The following STXBP5 variants were observed in gnomAD, a reference collection of about 807,000 sequenced individuals.
STXBP5 encodes syntaxin-binding protein 5.
A neutral mutation model predicts 152.4 loss-of-function variants in STXBP5; 50 were observed. The ratio of observed to expected loss-of-function variants is 0.33; its 90% confidence interval spans 0.26 to 0.42. The LOEUF is 0.42. STXBP5 is among the 10% of genes least tolerant of loss of function. The pLI is 1.00. For missense variants in STXBP5, 1,167 were observed against 1,388.6 expected (o/e 0.84, Z 2.54); for synonymous variants, 492 against 494.7 (o/e 0.99, Z 0.07).
intron 8 of STXBP5, among the ~76,000 whole-genome samples, chr6:147,280,037 G>GTGCT: frequency 6.7e-6 from 1 of 150,056 alleles, no homozygotes; most frequent in Non-Finnish European, 1.5e-5. Context: ...TGTCAATGTG[G>GTGCT]TGCTGATTCA....
Position 147,372,406 on chromosome 6 carries a change from C to CTTTTTTTTTTTTTTTTTTTTTT in STXBP5, c.3082-1325_3082-1324insTTTTTTTTTTTTTTTTTTTTTT, listed in dbSNP as rs1583009383. Among the ~76,000 whole-genome samples the CTTTTTTTTTTTTTTTTTTTTTT allele has an allele frequency of 3.0e-3, 117 of 39,108 alleles. 55 individuals are homozygous for CTTTTTTTTTTTTTTTTTTTTTT. Among genetic ancestry groups the CTTTTTTTTTTTTTTTTTTTTTT allele is most frequent in the South Asian group, 5.1e-3 (4 of 786 alleles). 25.7% of individuals were successfully genotyped at this position (39,108 alleles called of 152,430 possible). On this transcript the variant is annotated intron_variant, in intron 25 of 27. Coordinates refer to ENST00000321680, the MANE Select transcript of STXBP5 (RefSeq NM_001127715.4). The stretch of plus-strand genomic sequence containing the variant: ...ATATAAATGTTACTACCGTCCTTTT[C>CTTTTTTTTTTTTTTTTTTTTTT]CTTTTTTTTTTTTTTTTTTTTTTTT...
chr6:147,263,956 A>G (rs1582862084), intron 6 of STXBP5, among the ~76,000 whole-genome samples: 1 of 152,066 alleles, frequency 6.6e-6, no homozygotes, highest in South Asian at 2.1e-4. Context: ...GGTAATATTT[A>G]TACAGGTTTC....
At chr6:147,296,063 C>CA (rs1432503016) in intron 9 of STXBP5, among the ~76,000 whole-genome samples, 35 of 149,924 alleles carry the variant, frequency 2.3e-4, no homozygotes, top group South Asian at 2.1e-3. Flanking sequence ...TGCTACCCCC[C>CA]AAAAAAAAAC....
intron 1 of STXBP5, among the ~76,000 whole-genome samples, chr6:147,205,398 A>ATAT (rs1776495260): frequency 6.9e-6 from 1 of 145,610 alleles, no homozygotes; most frequent in African/African-American, 2.6e-5. Flanking sequence ...ATATATATAT[A>ATAT]GGTCTAATGC....
Position 147,370,105 on chromosome 6 carries a change from G to A in STXBP5, c.3082-3626G>A, listed in dbSNP as rs142883998. 2.0e-5 allele frequency among the ~76,000 whole-genome samples: 3 copies of A among 152,124 alleles called. No individual in the cohort carries two copies. In the East Asian group the frequency reaches 5.8e-4, roughly 29 times the overall value. ...GTAAACGATGCAATCAGCAACATCA[G>A]TGAATCTCAGAATAATTATGCTTAA... On this transcript the variant is annotated intron_variant, in intron 25 of 27. Transcript: ENST00000321680.
Position 147,334,192 on chromosome 6 carries a change from C to T in STXBP5, c.2116C>T (p.Pro706Ser), listed in dbSNP as rs1332639746. The change falls in exon 19 of 28, where the codon CCA (proline) becomes TCA (serine). Residue 706 changes from proline to serine, a missense_variant. This residue lies in a region of STXBP5 where 833 missense variants were observed against 986.3 expected (regional missense o/e 0.84). Transcript: ENST00000321680. The part of the protein sequence containing the change: ...LCDISEGTVV[P>S]EDRCKSPTSG... Reference sequence around the variant, plus strand: ...TGATATTAGTGAAGGGACTGTTGTTCCAGAGGATCGCTGCAAATCTCCAAC... The same window carrying T: ...TGATATTAGTGAAGGGACTGTTGTTTCAGAGGATCGCTGCAAATCTCCAAC... The T allele has an allele frequency of 5.0e-6, 8 of 1,611,518 alleles. 1 individual carries two copies. The Admixed American group carries it at 6.7e-5, about 13-fold the overall frequency.
chr6:147,377,848 G>T (rs10080610), intron 26 of STXBP5, among the ~76,000 whole-genome samples: 2,519 of 151,958 alleles, frequency 0.017, 60 homozygotes, highest in African/African-American at 0.057. Flanking sequence ...TTCTCTAAGA[G>T]TCTAATAAAA....
chr6:147,351,517 G>T (rs1272264352), intron 21 of STXBP5, among the ~76,000 whole-genome samples: 1 of 152,100 alleles, frequency 6.6e-6, no homozygotes, highest in Non-Finnish European at 1.5e-5. Context: ...TTGGAGGACT[G>T]TTTTAGAGAT....
At chr6:147,239,100 G>A in intron 3 of STXBP5, 70 bp from the exon 4 acceptor site, 1 of 1,333,516 alleles carries the variant, frequency 7.5e-7, no homozygotes, top group Non-Finnish European at 1.0e-6. Flanking sequence ...GATATTTCTG[G>A]CAGCTATTGA....
Position 147,204,483 on chromosome 6 carries a change from G to A in STXBP5, c.-50G>A, listed in dbSNP as rs1582776625. On this transcript the variant is annotated 5_prime_UTR_variant, in exon 1 of 28. Coordinates refer to ENST00000321680, the MANE Select transcript of STXBP5 (RefSeq NM_001127715.4). This position sits in a 1 kb window ranked among gnomAD's most constrained non-coding sequence, Gnocchi z 4.3. ...GCCCCGGGTGGTCTCCCCCGCCCGG[G>A]GACCCCCTGTGCCTCCCCTCCCGGG... 1 of 1,593,372 alleles carries A rather than the reference G, an allele frequency of 6.3e-7. No individual in the cohort carries two copies. The highest frequency in any genetic ancestry group is 1.7e-5 in the Admixed American group (1 of 57,408).
At chr6:147,299,229 T>A (rs1367054746) in intron 9 of STXBP5, among the ~76,000 whole-genome samples, 1 of 145,954 alleles carries the variant, frequency 6.9e-6, no homozygotes, top group Non-Finnish European at 1.5e-5. Flanking sequence ...AATAATTATA[T>A]GCCAACAAAT....
chr6:147,237,771 T>C (rs1357066667), intron 3 of STXBP5, among the ~76,000 whole-genome samples: 2 of 152,206 alleles, frequency 1.3e-5, no homozygotes, highest in South Asian at 4.1e-4. Context: ...GACAGCTGTT[T>C]TAATTCTTCT....
intron 7 of STXBP5, among the ~76,000 whole-genome samples, chr6:147,276,501 T>C (rs890295498): frequency 1.3e-5 from 2 of 152,132 alleles, no homozygotes; most frequent in Admixed American, 1.3e-4. Context: ...TCTCTACATA[T>C]GATACATATT....
intron 17 of STXBP5, 84 bp from the exon 18 acceptor site, chr6:147,327,041 T>G (rs995535011): frequency 1.6e-5 from 21 of 1,305,046 alleles, no homozygotes; most frequent in Admixed American, 4.8e-5. Flanking sequence ...CCACCATGCT[T>G]CTTTCTTCAG....
intron 9 of STXBP5, among the ~76,000 whole-genome samples, chr6:147,302,820 C>T (rs966760172): frequency 9.2e-5 from 14 of 152,030 alleles, no homozygotes; most frequent in East Asian, 1.9e-4. Flanking sequence ...TGCATACTGG[C>T]GTATAACATG....
chr6:147,242,788 C>T (rs981662284), intron 4 of STXBP5, among the ~76,000 whole-genome samples: 7 of 152,124 alleles, frequency 4.6e-5, no homozygotes, highest in African/African-American at 1.7e-4. Context: ...CAATGTTGAA[C>T]TCACCTGCTG....
At chr6:147,296,180 T>C (rs1781514280) in intron 9 of STXBP5, among the ~76,000 whole-genome samples, 1 of 151,888 alleles carries the variant, frequency 6.6e-6, no homozygotes, top group Non-Finnish European at 1.5e-5. Context: ...GGCAGATGAG[T>C]GCCTGAACCA....
chr6:147,298,314 G>T (rs1198847577), intron 9 of STXBP5, among the ~76,000 whole-genome samples: 1 of 151,978 alleles, frequency 6.6e-6, no homozygotes. Flanking sequence ...AAATATATAT[G>T]CATTGAACAC....
intron 8 of STXBP5, among the ~76,000 whole-genome samples, chr6:147,289,422 A>T (rs1335767532): frequency 6.6e-6 from 1 of 152,178 alleles, no homozygotes; most frequent in Non-Finnish European, 1.5e-5. Context: ...GGAAGAACCG[A>T]TATTTTAGGA....
Sources: allele counts gnomAD v4.1 joint callset (sites outside exome capture counted in the v4.1 genomes callset), GRCh38; gene constraint gnomAD v4.1.1; regional missense constraint gnomAD v4.1.1; non-coding constraint Gnocchi (gnomAD v3.1); transcripts MANE v1.5; gene names NCBI Gene and HGNC (gene_info 2026-07-23, HGNC 2026-07-21).